Variants in POTEM observed in about 807,000 individuals in gnomAD.
The protein encoded by POTEM is POTE ankyrin domain family member M.
For synonymous variants in POTEM, 8 were observed against 113.2 expected (o/e 0.07, Z 5.90); for missense variants, 24 against 343.0 (o/e 0.07, Z 7.35).
At position 19,002,710 on chromosome 14, in the gene POTEM, A is replaced by G. The variant is rs1182611757; in HGVS notation, c.*4045A>G. ...CATAGTTTCTGTGCTAGTGGACCGT[A>G]CCATATCAGTGGAGAGCTGCAGCAA... On this transcript the variant is annotated 3_prime_UTR_variant, in exon 11 of 11. Transcript: ENST00000547889. 6.6e-6 allele frequency among the ~76,000 whole-genome samples: 1 copy of G among 152,228 alleles called. No individual in the cohort carries two copies. Among genetic ancestry groups the G allele is most frequent in the African/African-American group, 2.4e-5 (1 of 41,446 alleles).
chr14:18,980,113 AC>A lies in POTEM; in HGVS notation c.1096del (p.Leu366Ter). ...TTTCTGACTACAAAGAAAAACAGAT[AC>A]TAAAAGTCTCTTCTGAAAACAGCAA... The part of the protein sequence containing the change: ...LLSDYKEKQI[L>X]KVSSENSNPE... On this transcript the variant is annotated frameshift_variant, in exon 6 of 11. Coordinates refer to ENST00000547889, the MANE Select transcript of POTEM (RefSeq NM_001145442.1). LOFTEE classifies it high-confidence loss of function. 2.4e-5 allele frequency: 11 copies of A among 465,848 alleles called. No homozygotes were observed. In the South Asian group the frequency reaches 2.7e-4, roughly 12 times the overall value. The allele number at this position is 465,848 out of a possible 1,614,324, so 28.9% of individuals were successfully genotyped here.
In POTEM at chr14:19,002,740, G is replaced by A. The variant is rs1321447517; in HGVS notation, c.*4075G>A. 4.6e-5 allele frequency among the ~76,000 whole-genome samples: 7 copies of A among 152,340 alleles called. No individual in the cohort carries two copies. Among genetic ancestry groups the A allele is most frequent in the African/African-American group, 1.7e-4 (7 of 41,560 alleles). On this transcript the variant is annotated 3_prime_UTR_variant, in exon 11 of 11. Transcript: ENST00000547889. ...ATCAGTGGAGAGCTGCAGCAAGGTG[G>A]CCCCTACGGCCACGCACCAGCCTGC...
rs1355070451 is a variant in POTEM at position 19,002,896 on chromosome 14, A to G, written c.*4231A>G. ...AGGAGGGCAGCACACACCCCAACCC[A>G]CATCAACTGCCATTAAAGAAAAGAA... On this transcript the variant is annotated 3_prime_UTR_variant, in exon 11 of 11. Transcript: ENST00000547889. Among the ~76,000 whole-genome samples the G allele has an allele frequency of 6.6e-6, 1 of 152,294 alleles. No individual in the cohort carries two copies. The highest frequency in any genetic ancestry group is 2.4e-5 in the African/African-American group (1 of 41,480).
intron 6 of POTEM, among the ~76,000 whole-genome samples, chr14:18,983,251 C>T (rs1488718679): frequency 7.6e-6 from 1 of 131,590 alleles, no homozygotes; most frequent in Non-Finnish European, 1.6e-5. Flanking sequence ...GATAAATGTC[C>T]ATGTGTATCA....
At chr14:18,992,796 A>C in intron 9 of POTEM, among the ~76,000 whole-genome samples, 1 of 52,826 alleles carries the variant, frequency 1.9e-5, no homozygotes, top group Admixed American at 2.0e-4. Context: ...TTTTTCACTT[A>C]GGGAGAAAAG....
At chr14:18,977,227 T>G (rs1319662096) in intron 4 of POTEM, 2 of 531,916 alleles carry the variant, frequency 3.8e-6, no homozygotes, top group African/African-American at 4.0e-5. Context: ...GACTTTAAAT[T>G]AGTAGCTTCT....
At chr14:18,968,550 G>A (rs1890818559) in intron 1 of POTEM, among the ~76,000 whole-genome samples, 1 of 150,278 alleles carries the variant, frequency 6.7e-6, no homozygotes, top group African/African-American at 2.5e-5. Context: ...GCTGGGCGTG[G>A]TGGCTCACAC....
intron 1 of POTEM, among the ~76,000 whole-genome samples, chr14:18,968,740 G>T (rs1419959745): frequency 6.6e-6 from 1 of 152,282 alleles, no homozygotes; most frequent in South Asian, 2.1e-4. Context: ...GGAGAATGGC[G>T]TGAACCCGGG....
rs1344265983 is a variant in POTEM, at chr14:19,000,461, C to A, written c.*1796C>A. 1.5e-5 allele frequency among the ~76,000 whole-genome samples: 2 copies of A among 135,732 alleles called. No individual in the cohort carries two copies. Among genetic ancestry groups the A allele is most frequent in the Admixed American group, 1.4e-4 (2 of 13,840 alleles). The allele number at this position is 135,732 out of a possible 152,430, so 89.0% of individuals were successfully genotyped here. Reference sequence around the variant, plus strand: ...TTTAGAATGATCAGCCTTCGCGGCCCCCCTTTTTTGTACCCCAACTTGGGG... The same window carrying A: ...TTTAGAATGATCAGCCTTCGCGGCCACCCTTTTTTGTACCCCAACTTGGGG... On this transcript the variant is annotated 3_prime_UTR_variant, in exon 11 of 11. Coordinates refer to ENST00000547889, the MANE Select transcript of POTEM (RefSeq NM_001145442.1).
intron 1 of POTEM, among the ~76,000 whole-genome samples, chr14:18,969,352 C>CAT (rs1890852172): frequency 2.2e-5 from 2 of 91,354 alleles, no homozygotes; most frequent in South Asian, 3.5e-4. Context: ...CATATATATA[C>CAT]ATGTGTATAT....
intron 9 of POTEM, among the ~76,000 whole-genome samples, chr14:18,996,249 T>A (rs1414879430): frequency 6.6e-6 from 1 of 151,416 alleles, no homozygotes; most frequent in African/African-American, 2.4e-5. Flanking sequence ...ATAAAATTAA[T>A]TCAAAGTCCT....
chr14:19,002,990 C>T lies in POTEM; in HGVS notation c.*4325C>T, dbSNP rs1891413654. Among the ~76,000 whole-genome samples the T allele has an allele frequency of 6.6e-6, 1 of 151,974 alleles. No homozygotes were observed. Among genetic ancestry groups the T allele is most frequent in the African/African-American group, 2.4e-5 (1 of 41,340 alleles). Reference sequence around the variant, plus strand: ...AGTGAAGGAGAAATAAGATCCTTTTCAGACAAGCAAATGCTGAGGGAATTC... The same window carrying T: ...AGTGAAGGAGAAATAAGATCCTTTTTAGACAAGCAAATGCTGAGGGAATTC... On this transcript the variant is annotated 3_prime_UTR_variant, in exon 11 of 11. Transcript: ENST00000547889.
At chr14:18,969,376 T>TATACATGTGTATATATATATATATAC (rs1251127734) in intron 1 of POTEM, among the ~76,000 whole-genome samples, 1 of 128,904 alleles carries the variant, frequency 7.8e-6, no homozygotes, top group Non-Finnish European at 1.6e-5. Context: ...TATATATATA[T>TATACATGTGTATATATATATATATAC]ATACACAAAA....
In POTEM at chr14:18,969,325, A is replaced by G. The variant is rs1348276776; in HGVS notation, c.521+1319A>G. ...TATATACGTATATATATGTATATATATATATATACGTATATACATATATAT... is the reference window on the plus strand; with the variant it reads ...TATATACGTATATATATGTATATATGTATATATACGTATATACATATATAT... On this transcript the variant is annotated intron_variant, in intron 1 of 10. Coordinates refer to ENST00000547889, the MANE Select transcript of POTEM (RefSeq NM_001145442.1). Among the ~76,000 whole-genome samples the G allele has an allele frequency of 4.0e-4, 51 of 127,124 alleles. 1 individual carries two copies. The highest frequency in any genetic ancestry group is 1.5e-3 in the African/African-American group (45 of 29,824). 83.4% of individuals were successfully genotyped at this position (127,124 alleles called of 152,430 possible).
chr14:18,986,222 A>G (rs1891179434), intron 7 of POTEM, among the ~76,000 whole-genome samples: 2 of 139,758 alleles, frequency 1.4e-5, no homozygotes, highest in African/African-American at 5.6e-5. Context: ...AAGCAATAGA[A>G]TTATGAACAA....
chr14:18,985,928 A>T (rs1396875792), intron 7 of POTEM, among the ~76,000 whole-genome samples: 50 of 79,782 alleles, frequency 6.3e-4, no homozygotes, highest in East Asian at 1.3e-3. Flanking sequence ...AAAAAAAAAA[A>T]ATATTTTAAT....
intron 3 of POTEM, among the ~76,000 whole-genome samples, chr14:18,975,398 A>G (rs1890940628): frequency 7.0e-6 from 1 of 143,224 alleles, no homozygotes; most frequent in Non-Finnish European, 1.5e-5. Flanking sequence ...CATAATCAGC[A>G]TGGCAGTTTT....
intron 1 of POTEM, among the ~76,000 whole-genome samples, chr14:18,969,331 ATACGTATATACATATATATACATGTG>A (rs1890849546): frequency 8.2e-6 from 1 of 121,742 alleles, no homozygotes; most frequent in African/African-American, 3.5e-5. Flanking sequence ...ATATATATAT[ATACGTATATACATATATATACATGTG>A]TATATATATA....
chr14:18,969,274 G>GATAT (rs1280928185), intron 1 of POTEM, among the ~76,000 whole-genome samples: 97 of 118,008 alleles, frequency 8.2e-4, no homozygotes, highest in African/African-American at 3.2e-3. Flanking sequence ...TACATATGCA[G>GATAT]ATATATATAC....
Sources: allele counts gnomAD v4.1 joint callset (sites outside exome capture counted in the v4.1 genomes callset), GRCh38; gene constraint gnomAD v4.1.1; transcripts MANE v1.5; gene names NCBI Gene and HGNC (gene_info 2026-07-23, HGNC 2026-07-21).